The following FAM20B variants were observed in gnomAD, a reference collection of about 807,000 sequenced individuals.
The protein encoded by FAM20B is glycosaminoglycan xylosylkinase.
In FAM20B, 23 loss-of-function variants were observed where a neutral mutation model predicts 43.8. That is an observed-to-expected ratio of 0.53 (90% CI 0.38 to 0.74). The LOEUF (loss-of-function observed/expected upper bound fraction) is 0.74. Among genes scored for constraint, FAM20B ranks in the 30% least tolerant of loss-of-function variants. The probability of loss-of-function intolerance (pLI) is 0.00; values close to 1 mark genes in which losing one functional copy is unlikely to be tolerated. For synonymous variants in FAM20B, 178 were observed against 192.4 expected (o/e 0.93, Z 0.62); for missense variants, 440 against 510.5 (o/e 0.86, Z 1.33).
chr1:179,017,928 A>G, the FAM20B span, among the ~76,000 whole-genome samples: 1 of 152,242 alleles, frequency 6.6e-6, no homozygotes, highest in Non-Finnish European at 1.5e-5. Flanking sequence ...ATAGGAAAAG[A>G]GGAGAAAGGA....
upstream of FAM20B, among the ~76,000 whole-genome samples, chr1:179,025,574 A>C (rs893516944): frequency 6.6e-6 from 1 of 152,202 alleles, no homozygotes; most frequent in Admixed American, 6.5e-5. Context: ...GAAAAGCAGG[A>C]AAGAAAAAGA....
chr1:179,063,650 G>A (rs1331105559), intron 4 of FAM20B, among the ~76,000 whole-genome samples: 1 of 152,168 alleles, frequency 6.6e-6, no homozygotes, highest in Non-Finnish European at 1.5e-5. Context: ...ACTGGTGATG[G>A]TAGTTGACAC....
chr1:179,041,340 C>G (rs556104343), intron 1 of FAM20B, among the ~76,000 whole-genome samples: 4 of 152,146 alleles, frequency 2.6e-5, no homozygotes, highest in African/African-American at 7.2e-5. Context: ...GCCGAGATCA[C>G]GCCACTGCAC....
chr1:179,060,879 A>G (rs1279844733), intron 4 of FAM20B, among the ~76,000 whole-genome samples: 1 of 152,136 alleles, frequency 6.6e-6, no homozygotes, highest in African/African-American at 2.4e-5. Context: ...TTCACCAACA[A>G]TATGTTATTA....
upstream of FAM20B, among the ~76,000 whole-genome samples, chr1:179,023,775 C>T (rs777174708): frequency 1.3e-5 from 2 of 152,186 alleles, no homozygotes; most frequent in Non-Finnish European, 2.9e-5. Flanking sequence ...CACTGTTTTC[C>T]TGGACTGTGA....
upstream of FAM20B, among the ~76,000 whole-genome samples, chr1:179,021,605 G>A (rs1649605261): frequency 6.6e-6 from 1 of 152,306 alleles, no homozygotes; most frequent in East Asian, 1.9e-4. Context: ...ACACAGCTTT[G>A]AGAGCCATAA....
intron 1 of FAM20B, among the ~76,000 whole-genome samples, chr1:179,040,482 C>CG (rs1572535996): frequency 6.8e-6 from 1 of 147,356 alleles, no homozygotes; most frequent in South Asian, 2.2e-4. Flanking sequence ...GCTAGCCGGG[C>CG]GGGGGGCTGA....
chr1:179,035,189 C>G (rs924316928), intron 1 of FAM20B: 2 of 404,968 alleles, frequency 4.9e-6, no homozygotes, highest in Non-Finnish European at 9.3e-6. Context: ...GACCCCCACA[C>G]CAACATGCTT....
chr1:179,045,510 C>T (rs1650726832), intron 2 of FAM20B, among the ~76,000 whole-genome samples: 8 of 152,100 alleles, frequency 5.3e-5, no homozygotes. Context: ...ATAGGGAGCC[C>T]AGAAATGGAA....
At chr1:179,033,231 A>T (rs1278267002) in intron 1 of FAM20B, among the ~76,000 whole-genome samples, 1 of 152,220 alleles carries the variant, frequency 6.6e-6, no homozygotes, top group East Asian at 1.9e-4. Flanking sequence ...GTTAGCCTTG[A>T]TTGCTCTGCA....
intron 6 of FAM20B, among the ~76,000 whole-genome samples, chr1:179,065,611 CG>C (rs1239584090): frequency 6.6e-6 from 1 of 152,166 alleles, no homozygotes; most frequent in East Asian, 1.9e-4. Context: ...GAACACCAGG[CG>C]CCTCATGCTT....
intron 3 of FAM20B, among the ~76,000 whole-genome samples, chr1:179,050,983 G>A (rs1469069979): frequency 1.3e-5 from 2 of 151,968 alleles, no homozygotes; most frequent in Non-Finnish European, 1.5e-5. Context: ...TTAGCTGGGC[G>A]TGGTGACAGG....
At chr1:179,024,087 T>C (rs1649657134), upstream of FAM20B, among the ~76,000 whole-genome samples, 1 of 152,106 alleles carries the variant, frequency 6.6e-6, no homozygotes, top group Admixed American at 6.6e-5. Context: ...TCTGAAAGCC[T>C]TTCACAGAGA....
At chr1:179,031,935 TG>T in intron 1 of FAM20B, among the ~76,000 whole-genome samples, 3 of 152,320 alleles carry the variant, frequency 2.0e-5, no homozygotes. Context: ...GTGGTAGAAT[TG>T]AACTTTGTAG....
chr1:179,048,379 C>T (rs1650867394), intron 2 of FAM20B, among the ~76,000 whole-genome samples: 1 of 152,126 alleles, frequency 6.6e-6, no homozygotes. Flanking sequence ...GATTCTTATT[C>T]CTTTTCTCTT....
At chr1:179,018,760 G>C in the FAM20B span, among the ~76,000 whole-genome samples, 1 of 152,174 alleles carries the variant, frequency 6.6e-6, no homozygotes, top group South Asian at 2.1e-4. Flanking sequence ...AGGTTCTCTA[G>C]AGAAACAGAA....
chr1:179,048,462 G>A (rs933734728), intron 2 of FAM20B, among the ~76,000 whole-genome samples: 3 of 152,050 alleles, frequency 2.0e-5, no homozygotes, highest in African/African-American at 7.3e-5. Context: ...TTTACTCTGC[G>A]CAGCCTTTAG....
In FAM20B at chr1:179,060,099, A is replaced by AT. The variant is rs574787952; in HGVS notation, c.575-3827dup. Among the ~76,000 whole-genome samples, 204 of 79,672 alleles carry AT rather than the reference A, an allele frequency of 2.6e-3. 2 individuals are homozygous for AT. The highest frequency in any genetic ancestry group is 0.012 in the East Asian group (31 of 2,670). 52.3% of individuals were successfully genotyped at this position (79,672 alleles called of 152,430 possible). On this transcript the variant is annotated intron_variant, in intron 4 of 7. Coordinates refer to ENST00000263733, the MANE Select transcript of FAM20B (RefSeq NM_014864.4). ...ATGTCTTTTTGTATGAAATATATATATATTTTTTTATTTATCTCTACCATT... is the reference window on the plus strand; with the variant it reads ...ATGTCTTTTTGTATGAAATATATATATTATTTTTTTATTTATCTCTACCATT...
chr1:179,072,223 G>A lies in FAM20B; in HGVS notation c.*79G>A. 8.5e-7 allele frequency: 1 copy of A among 1,176,470 alleles called. No individual in the cohort carries two copies. The highest frequency in any genetic ancestry group is 1.4e-5 in the South Asian group (1 of 69,532). The allele number at this position is 1,176,470 out of a possible 1,614,324, so 72.9% of individuals were successfully genotyped here. On this transcript the variant is annotated 3_prime_UTR_variant, in exon 8 of 8. Coordinates refer to ENST00000263733, the MANE Select transcript of FAM20B (RefSeq NM_014864.4). Reference sequence around the variant, plus strand: ...AATCAATTCCAAATGGTATGAGATGGATTGGAAGTGGCCAGCAGCAAGTTC... The same window carrying A: ...AATCAATTCCAAATGGTATGAGATGAATTGGAAGTGGCCAGCAGCAAGTTC...
Sources: allele counts gnomAD v4.1 joint callset (sites outside exome capture counted in the v4.1 genomes callset), GRCh38; gene constraint gnomAD v4.1.1; transcripts MANE v1.5; gene names NCBI Gene and HGNC (gene_info 2026-07-23, HGNC 2026-07-21).